VWA8: variants seen among roughly 807,000 people sequenced by gnomAD.
VWA8 encodes the protein von Willebrand factor A domain-containing protein 8.
A neutral mutation model predicts 241.5 loss-of-function variants in VWA8; 221 were observed. The ratio of observed to expected loss-of-function variants is 0.91; its 90% CI spans 0.82 to 1.02. The LOEUF is 1.02. VWA8 is among the 50% of genes least tolerant of loss of function. The pLI, the probability that VWA8 is intolerant of heterozygous loss-of-function variation, is 0.00. For missense variants in VWA8, 2,322 were observed against 2,328.7 expected (o/e 1.00, Z 0.06); for synonymous variants, 852 against 827.1 (o/e 1.03, Z -0.52).
intron 18 of VWA8, among the ~76,000 whole-genome samples, chr13:41,784,701 T>TATATAC (rs1869070590): frequency 1.4e-5 from 1 of 69,832 alleles, no homozygotes; most frequent in Non-Finnish European, 3.0e-5. Context: ...CATATACATA[T>TATATAC]ATATATATAT....
At chr13:41,922,653 A>G (rs1459540943) in intron 2 of VWA8, among the ~76,000 whole-genome samples, 1 of 152,268 alleles carries the variant, frequency 6.6e-6, no homozygotes, top group Non-Finnish European at 1.5e-5. Flanking sequence ...TCAAAAGAAG[A>G]CATTTATGCA....
rs1204420758 is a variant in VWA8, at chr13:41,830,662, G to A, written c.1587-20C>T. The A allele has an allele frequency of 1.1e-5, 17 of 1,602,318 alleles. No homozygotes were observed. Among genetic ancestry groups the A allele is most frequent in the Non-Finnish European group, 1.4e-5 (16 of 1,171,890 alleles). ...ATTAACCTAACAAGATAAGAAAAAA[G>A]CCCGAAAATAAATTAATGTGTTTTG... On this transcript the variant is annotated intron_variant, in intron 13 of 44. Coordinates refer to ENST00000379310, the MANE Select transcript of VWA8 (RefSeq NM_015058.2).
chr13:41,918,035 A>T (rs1017907574), intron 2 of VWA8, among the ~76,000 whole-genome samples: 4 of 152,248 alleles, frequency 2.6e-5, no homozygotes, highest in African/African-American at 9.6e-5. Flanking sequence ...GAAGGGTGAA[A>T]ATATTTAGCA....
intron 38 of VWA8, among the ~76,000 whole-genome samples, chr13:41,613,235 A>C (rs1480852639): frequency 6.6e-6 from 1 of 152,206 alleles, no homozygotes; most frequent in Non-Finnish European, 1.5e-5. Context: ...CTTTTGGGAA[A>C]TACCATGAGA....
intron 2 of VWA8, among the ~76,000 whole-genome samples, chr13:41,945,653 CAGAT>C (rs2138157906): frequency 6.6e-6 from 1 of 152,172 alleles, no homozygotes; most frequent in African/African-American, 2.4e-5. Flanking sequence ...GGCTCAACAA[CAGAT>C]GTGAGCAGGC....
chr13:41,681,281 G>A (rs890097784), intron 35 of VWA8, among the ~76,000 whole-genome samples: 1 of 151,988 alleles, frequency 6.6e-6, no homozygotes, highest in Non-Finnish European at 1.5e-5. Context: ...TCAGAGTTGA[G>A]CCCCATCTCT....
chr13:41,738,116 C>T (rs9566837), intron 21 of VWA8, among the ~76,000 whole-genome samples: 51,635 of 151,930 alleles, frequency 0.34, 9,019 homozygotes, highest in Non-Finnish European at 0.37. Flanking sequence ...TATTATTATA[C>T]AGTGTTTTGA....
chr13:41,789,213 A>G (rs1419321536), intron 17 of VWA8, among the ~76,000 whole-genome samples: 1 of 152,136 alleles, frequency 6.6e-6, no homozygotes, highest in Non-Finnish European at 1.5e-5. Flanking sequence ...CCTGGATTTT[A>G]AGGGATTTGT....
intron 28 of VWA8, 77 bp downstream of exon 28, chr13:41,701,315 T>C (rs1027284613): frequency 3.4e-6 from 5 of 1,452,200 alleles, no homozygotes; most frequent in Non-Finnish European, 4.5e-6. Context: ...AACTTTTTGA[T>C]GTCTAGAGAT....
intron 1 of VWA8, among the ~76,000 whole-genome samples, chr13:41,950,829 T>C (rs1360948548): frequency 2.0e-5 from 3 of 151,702 alleles, no homozygotes; most frequent in African/African-American, 7.3e-5. Context: ...CCACCACATC[T>C]GGCTAATTTT....
At chr13:41,779,591 A>C (rs1452833627) in intron 19 of VWA8, among the ~76,000 whole-genome samples, 2 of 152,182 alleles carry the variant, frequency 1.3e-5, no homozygotes, top group African/African-American at 4.8e-5. Context: ...AGCAGAAACT[A>C]TGTTAAGCAA....
At chr13:41,911,796 T>A (rs1213706156) in intron 3 of VWA8, among the ~76,000 whole-genome samples, 2 of 152,230 alleles carry the variant, frequency 1.3e-5, no homozygotes, top group Non-Finnish European at 2.9e-5. Context: ...TCTTTTCTAC[T>A]GGAAGTGGGG....
At chr13:41,612,904 A>G (rs1352582524) in intron 38 of VWA8, among the ~76,000 whole-genome samples, 1 of 152,194 alleles carries the variant, frequency 6.6e-6, no homozygotes, top group African/African-American at 2.4e-5. Flanking sequence ...AAGTGGGGAT[A>G]CTAATATTAT....
chr13:41,621,509 A>C (rs1024013826), intron 37 of VWA8, among the ~76,000 whole-genome samples: 1 of 152,208 alleles, frequency 6.6e-6, no homozygotes, highest in Non-Finnish European at 1.5e-5. Flanking sequence ...TCTGAACACC[A>C]TTCCTCACTT....
rs1180405587 is a variant in VWA8, at chr13:41,830,629, G to A, written c.1600C>T (p.Arg534Ter). Residue 534 changes from arginine (R) to a stop codon, truncating the protein, a stop_gained, in exon 14 of 45, where the codon CGA becomes TGA. Coordinates refer to ENST00000379310, the MANE Select transcript of VWA8 (RefSeq NM_015058.2). LOFTEE classifies it high-confidence loss of function. ...LAVLQRLIHD[R>*]ELSLYDGSRL... ...GAACCATCATAGAGGCTTAGCTCTC[G>A]ATCATGGATTAACCTAACAAGATAA... is the stretch of plus-strand genomic sequence containing the variant. 6 of 1,613,060 alleles carry A rather than the reference G, an allele frequency of 3.7e-6. No individual in the cohort carries two copies. The highest frequency in any genetic ancestry group is 2.2e-5 in the East Asian group (1 of 44,852).
At chr13:41,884,107 T>A (rs1162279933) in intron 8 of VWA8, among the ~76,000 whole-genome samples, 3 of 152,198 alleles carry the variant, frequency 2.0e-5, no homozygotes, top group African/African-American at 7.2e-5. Context: ...AGTGTGATAA[T>A]GTTGTTCTGG....
chr13:41,888,364 T>G (rs1296451926), intron 5 of VWA8, among the ~76,000 whole-genome samples: 1 of 152,192 alleles, frequency 6.6e-6, no homozygotes, highest in Non-Finnish European at 1.5e-5. Context: ...TAGAAACTCT[T>G]AAGATGGCAC....
intron 37 of VWA8, among the ~76,000 whole-genome samples, chr13:41,660,242 A>G (rs1436194235): frequency 1.3e-5 from 2 of 151,964 alleles, no homozygotes; most frequent in Non-Finnish European, 2.9e-5. Flanking sequence ...CAGCCTCCTG[A>G]GTAGCTGGAA....
In VWA8 at chr13:41,691,463, T is replaced by C; in HGVS notation, c.3741-18A>G. ...GGCTGTTCCTGGAAAAGAAGAAAACTGTATCTGAAAGGAAATGGTGAGGAT... is the reference window on the plus strand; with the variant it reads ...GGCTGTTCCTGGAAAAGAAGAAAACCGTATCTGAAAGGAAATGGTGAGGAT... On this transcript the variant is annotated intron_variant, in intron 31 of 44. Transcript: ENST00000379310. The C allele has an allele frequency of 6.2e-7, 1 of 1,610,400 alleles. No homozygotes were observed. The highest frequency in any genetic ancestry group is 8.5e-7 in the Non-Finnish European group (1 of 1,177,920).
Sources: allele counts gnomAD v4.1 joint callset (sites outside exome capture counted in the v4.1 genomes callset), GRCh38; gene constraint gnomAD v4.1.1; transcripts MANE v1.5; gene names NCBI Gene and HGNC (gene_info 2026-07-23, HGNC 2026-07-21).